Variants in DCAF8 observed in about 807,000 individuals in gnomAD.
DCAF8 encodes the protein DDB1- and CUL4-associated factor 8.
DCAF8 carries 20 observed loss-of-function variants against 68.0 expected under a neutral mutation model. The observed-to-expected ratio is 0.29, with a 90% CI of 0.21 to 0.43. The LOEUF (loss-of-function observed/expected upper bound fraction) is 0.43, where lower values mean the gene tolerates loss of function less well. DCAF8 is among the 20% of genes least tolerant of loss of function. DCAF8 has a pLI of 1.00. For missense variants in DCAF8, 460 were observed against 771.0 expected (o/e 0.60, Z 4.78); for synonymous variants, 230 against 276.9 (o/e 0.83, Z 1.68).
At chr1:160,237,058 T>C (rs1289102468) in intron 6 of DCAF8, 77 bp downstream of exon 6, 1 of 1,032,362 alleles carries the variant, frequency 9.7e-7, no homozygotes, top group African/African-American at 1.6e-5. Flanking sequence ...GAACCAGAGT[T>C]AGGCATTACC....
chr1:160,240,025 T>A lies in DCAF8; in HGVS notation c.395A>T (p.Asp132Val). 6.2e-7 allele frequency: 1 copy of A among 1,614,238 alleles called. No homozygotes were observed. The highest frequency in any genetic ancestry group is 8.5e-7 in the Non-Finnish European group (1 of 1,180,044). The change falls in exon 4 of 14, where the codon GAT becomes GTT. Residue 132 changes from aspartate (D) to valine (V), a missense_variant. By Grantham distance (152) the Asp-to-Val change is radical. Transcript: ENST00000368074. The part of the protein sequence containing the change: ...RANRDQDSSD[D>V]ERALEDWVSS... ...CACCCAGTCCTCTAGGGCCCGCTCA[T>A]CATCTGATGAGTCCTGGTCACGGTT...
intron 2 of DCAF8, among the ~76,000 whole-genome samples, chr1:160,255,182 G>A (rs975963534): frequency 1.3e-5 from 2 of 152,176 alleles, no homozygotes; most frequent in Non-Finnish European, 2.9e-5. Flanking sequence ...AGAGAGCTCC[G>A]TTAATATCTT....
chr1:160,256,218 T>C (rs1346989338), intron 2 of DCAF8, among the ~76,000 whole-genome samples: 1 of 152,098 alleles, frequency 6.6e-6, no homozygotes, highest in African/African-American at 2.4e-5. Flanking sequence ...TAGGGAAATC[T>C]ACTTTTCATT....
chr1:160,231,261 CAA>C (rs1435101711), intron 7 of DCAF8, 34 bp downstream of exon 7: 2 of 1,478,150 alleles, frequency 1.4e-6, no homozygotes, highest in African/African-American at 2.8e-5. Context: ...ATCAGTCTTA[CAA>C]ACTGTCAAAG....
intron 2 of DCAF8, among the ~76,000 whole-genome samples, 196 bp downstream of exon 2, chr1:160,261,089 T>C (rs1571121129): frequency 6.6e-6 from 1 of 152,184 alleles, no homozygotes; most frequent in East Asian, 1.9e-4. Flanking sequence ...AGCAATAGTT[T>C]AGGACAGAAA....
At chr1:160,225,257 C>T (rs1655429982) in intron 8 of DCAF8, 138 bp from the exon 9 acceptor site, 1 of 836,690 alleles carries the variant, frequency 1.2e-6, no homozygotes. Flanking sequence ...AAGAGTACAA[C>T]TGATGAAACA....
chr1:160,239,887 A>G lies in DCAF8; in HGVS notation c.533T>C (p.Val178Ala). The part of the protein sequence containing the change: ...RFVYEACGAR[V>A]FVQRFRLQHG... ...CTGCAGGCGGAAACGCTGCACAAAG[A>G]CTCTTGCCCCACAGGCCTCATAGAC... The change falls in exon 4 of 14, where the codon GTC becomes GCC. Residue 178 changes from valine (V) to alanine (A), a missense_variant. Coordinates refer to ENST00000368074, the MANE Select transcript of DCAF8 (RefSeq NM_015726.4). The G allele has an allele frequency of 6.2e-7, 1 of 1,614,038 alleles. No individual in the cohort carries two copies. Among genetic ancestry groups the G allele is most frequent in the Non-Finnish European group, 8.5e-7 (1 of 1,179,998 alleles).
chr1:160,257,033 C>T (rs1166700369), intron 2 of DCAF8, among the ~76,000 whole-genome samples: 2 of 152,178 alleles, frequency 1.3e-5, no homozygotes, highest in African/African-American at 2.4e-5. Context: ...AAGTAGCCTC[C>T]TTTTCTGACT....
intron 4 of DCAF8, chr1:160,239,165 C>A: frequency 9.4e-7 from 1 of 1,066,718 alleles, no homozygotes; most frequent in Non-Finnish European, 1.1e-6. Context: ...TGGCTGGTAC[C>A]AGTACAGTAG....
At chr1:160,251,694 C>G (rs950072307) in intron 2 of DCAF8, among the ~76,000 whole-genome samples, 2 of 152,132 alleles carry the variant, frequency 1.3e-5, no homozygotes, top group Admixed American at 1.3e-4. Context: ...TCTCGAACTC[C>G]TGGACTCAAG....
chr1:160,260,697 A>G (rs570797602), intron 2 of DCAF8, among the ~76,000 whole-genome samples: 4 of 152,082 alleles, frequency 2.6e-5, no homozygotes, highest in South Asian at 4.1e-4. Flanking sequence ...ACCAGCTACA[A>G]AAGAAAGAGC....
chr1:160,236,154 T>C (rs1655866172), intron 6 of DCAF8, among the ~76,000 whole-genome samples: 2 of 152,094 alleles, frequency 1.3e-5, no homozygotes, highest in South Asian at 4.1e-4. Flanking sequence ...ATTTGTTTAT[T>C]GTAAGAGCAA....
In DCAF8 at chr1:160,222,632, C is replaced by T. The variant is rs754486094; in HGVS notation, c.1440+19G>A. ...CTGGAGAGATTAGGGAGCCAGCCAG[C>T]TCAGCACACCATACTCACCACGCCT... is the stretch of plus-strand genomic sequence containing the variant. On this transcript the variant is annotated intron_variant, in intron 11 of 13. Transcript: ENST00000368074. 5 of 1,613,650 alleles carry T rather than the reference C, an allele frequency of 3.1e-6. No individual in the cohort carries two copies. In the South Asian group the frequency reaches 5.5e-5, roughly 18 times the overall value.
rs1326633118 is a variant in DCAF8, at chr1:160,222,669, C to T, written c.1422G>A (p.Glu474=). The change falls in exon 11 of 14, where the codon GAG becomes GAA. Residue 474 remains glutamate, a synonymous_variant. Transcript: ENST00000368074. ...TACTCACCACGCCTCCCTTGTCCCC[C>T]TCCATGAACTGAATAATCTGGCAGG... ...KSSCQIIQFM[E]GDKGGVVNCL... 10 of 1,614,168 alleles carry T rather than the reference C, an allele frequency of 6.2e-6. No homozygotes were observed. The South Asian group carries it at 1.1e-4, about 18-fold the overall frequency.
chr1:160,221,486 A>G (rs1655294840), intron 11 of DCAF8, among the ~76,000 whole-genome samples: 1 of 152,168 alleles, frequency 6.6e-6, no homozygotes, highest in Non-Finnish European at 1.5e-5. Context: ...TTTAGAGGAA[A>G]CCAGAAGAAA....
chr1:160,246,572 G>A (rs747933650), intron 2 of DCAF8, among the ~76,000 whole-genome samples: 10 of 152,158 alleles, frequency 6.6e-5, no homozygotes, highest in Non-Finnish European at 1.5e-4. Context: ...AGAAAGGACT[G>A]CTTGAGCTCA....
chr1:160,240,227 G>A lies in DCAF8; in HGVS notation c.193C>T (p.Arg65Ter). ...CCTGAGCTCTCTGTGTCTGTGCCTC[G>A]ACTTTCTGTGCTGGTGCGGTTGGGG... ...GGPNRTSTES[R>*]GTDTESSGED... Residue 65 changes from arginine to a stop codon, truncating the protein, a stop_gained, in exon 4 of 14, where the codon CGA becomes TGA. Transcript: ENST00000368074. LOFTEE classifies it high-confidence loss of function. 1.2e-6 allele frequency: 2 copies of A among 1,614,032 alleles called. No individual in the cohort carries two copies. The highest frequency in any genetic ancestry group is 1.7e-6 in the Non-Finnish European group (2 of 1,180,012).
chr1:160,231,250 C>T, intron 7 of DCAF8, 47 bp downstream of exon 7: 2 of 1,276,518 alleles, frequency 1.6e-6, no homozygotes, highest in African/African-American at 1.5e-5. Context: ...GTATACAATG[C>T]ATCAGTCTTA....
intron 2 of DCAF8, among the ~76,000 whole-genome samples, chr1:160,250,206 G>A (rs1424614275): frequency 1.3e-5 from 2 of 152,200 alleles, no homozygotes; most frequent in African/African-American, 4.8e-5. Context: ...GCTCATGCCT[G>A]TAATCCCAAC....
Sources: gnomAD v4.1 joint callset for allele counts (sites outside exome capture counted in the v4.1 genomes callset) on GRCh38, gnomAD v4.1.1 for gene constraint, MANE v1.5 for transcripts, NCBI Gene and HGNC (gene_info 2026-07-23, HGNC 2026-07-21) for gene names.